The following SPATA13 variants were observed in gnomAD, a reference collection of about 807,000 sequenced individuals.
The protein encoded by SPATA13 is spermatogenesis associated 13.
Under a neutral mutation model 104.0 loss-of-function variants are expected in SPATA13, and 50 were observed. The observed-to-expected ratio is 0.48, with a 90% CI of 0.38 to 0.61. The LOEUF (loss-of-function observed/expected upper bound fraction) is 0.61, where lower values mean the gene tolerates loss of function less well. Ranked by LOEUF, SPATA13 falls within the 20% of genes least tolerant of loss-of-function variation. The probability of loss-of-function intolerance (pLI) is 0.00; values close to 1 mark genes in which losing one functional copy is unlikely to be tolerated. For missense variants in SPATA13, 1,524 were observed against 1,690.6 expected, an observed-to-expected ratio of 0.90 and a Z score of 1.73; for synonymous variants, 606 against 667.5, an observed-to-expected ratio of 0.91 and a Z score of 1.42.
intron 3 of SPATA13, among the ~76,000 whole-genome samples, chr13:24,146,956 G>T (rs1881953931): frequency 7.0e-6 from 1 of 142,870 alleles, no homozygotes; most frequent in African/African-American, 2.6e-5. Flanking sequence ...GAAAAACTAT[G>T]CCTTTCACTT....
intron 1 of SPATA13, among the ~76,000 whole-genome samples, chr13:24,174,082 C>T (rs1036355880): frequency 1.3e-5 from 2 of 152,144 alleles, no homozygotes; most frequent in African/African-American, 4.8e-5. Flanking sequence ...GCAAAACCAC[C>T]TGGGCATAAA....
intron 3 of SPATA13, among the ~76,000 whole-genome samples, chr13:24,073,180 T>C (rs1370011376): frequency 1.3e-5 from 2 of 152,138 alleles, no homozygotes; most frequent in Non-Finnish European, 2.9e-5. Flanking sequence ...GAAGGCCAAG[T>C]GGGGGACTGT....
At chr13:24,189,197 C>T (rs932688285) in intron 1 of SPATA13, among the ~76,000 whole-genome samples, 3 of 151,992 alleles carry the variant, frequency 2.0e-5, no homozygotes, top group Admixed American at 6.6e-5. Flanking sequence ...TCAGGCCAGG[C>T]GTGGTGGCTC....
rs1474529286 is a variant in SPATA13 at position 24,304,120 on chromosome 13, A to T, written c.*1347A>T. On this transcript the variant is annotated 3_prime_UTR_variant, in exon 13 of 13. Transcript: ENST00000382108. ...GGAAATCAGAAGCTGCCTTTATCAC[A>T]TATAAAGCCAAACAGGGCATAACCA... The T allele has an allele frequency of 6.6e-6, 1 of 152,214 alleles. No homozygotes were observed. Among genetic ancestry groups the T allele is most frequent in the Non-Finnish European group, 1.5e-5 (1 of 68,044 alleles). 9.4% of individuals were successfully genotyped at this position (152,214 alleles called of 1,614,324 possible).
chr13:24,059,221 T>A (rs1413757526), intron 3 of SPATA13, among the ~76,000 whole-genome samples: 1 of 151,548 alleles, frequency 6.6e-6, no homozygotes, highest in African/African-American at 2.4e-5. Context: ...TCCACCCCCC[T>A]CGGCCTCCTA....
Position 24,178,874 on chromosome 13 carries a change from C to G in SPATA13, c.-112+17942C>G, listed in dbSNP as rs570485385. ...TCATGCACTCATCAATTACCATAGT[C>G]AATTTGAAGACATTTTCATCCCCTC... On this transcript the variant is annotated intron_variant, in intron 1 of 12. Coordinates refer to ENST00000382108, the MANE Select transcript of SPATA13 (RefSeq NM_001166271.3). Among the ~76,000 whole-genome samples, 5 of 152,256 alleles carry G rather than the reference C, an allele frequency of 3.3e-5. No homozygotes were observed. The South Asian group carries it at 8.3e-4, about 25-fold the overall frequency.
In SPATA13 at chr13:24,306,988, A is replaced by C. The variant is rs573347921; in HGVS notation, c.*4215A>C. On this transcript the variant is annotated 3_prime_UTR_variant, in exon 13 of 13. Transcript: ENST00000382108. ...TTGAAGTTTTTTGTAAAAAAAAATT[A>C]TTTACAATGTTATTTGAATGATTTT... The C allele has an allele frequency of 5.8e-4, 89 of 152,378 alleles. No homozygotes were observed. The highest frequency in any genetic ancestry group is 2.0e-3 in the African/African-American group (85 of 41,596). The allele number at this position is 152,378 out of a possible 1,614,324, so 9.4% of individuals were successfully genotyped here.
At chr13:23,986,179 G>T (rs533169306) in intron 2 of SPATA13, among the ~76,000 whole-genome samples, 7 of 152,284 alleles carry the variant, frequency 4.6e-5, no homozygotes, top group South Asian at 2.1e-4. Context: ...ATTTCGGCTC[G>T]CCCAGGGACC....
At chr13:24,278,270 C>A (rs186213537) in intron 4 of SPATA13, among the ~76,000 whole-genome samples, 40 of 152,334 alleles carry the variant, frequency 2.6e-4, no homozygotes, top group Middle Eastern at 6.8e-3. Context: ...CTGCTGCACA[C>A]AGCTGTGTGT....
chr13:24,086,606 A>G (rs1593320474), intron 3 of SPATA13, among the ~76,000 whole-genome samples: 2 of 152,202 alleles, frequency 1.3e-5, no homozygotes, highest in African/African-American at 4.8e-5. Flanking sequence ...GGCAGCAAGG[A>G]TGAGTTCAAG....
chr13:24,119,150 G>A (rs1367330504), intron 3 of SPATA13, among the ~76,000 whole-genome samples: 3 of 151,968 alleles, frequency 2.0e-5, no homozygotes, highest in Admixed American at 2.0e-4. Context: ...CTTGTGATCT[G>A]CCCGCCTCGG....
chr13:24,118,473 A>G (rs1880923616), intron 3 of SPATA13, among the ~76,000 whole-genome samples: 1 of 152,290 alleles, frequency 6.6e-6, no homozygotes, highest in East Asian at 1.9e-4. Flanking sequence ...TGAAATGTAG[A>G]ATCATTACAA....
intron 1 of SPATA13, among the ~76,000 whole-genome samples, chr13:24,165,013 G>A (rs899173166): frequency 2.0e-5 from 3 of 152,174 alleles, no homozygotes; most frequent in South Asian, 2.1e-4. Flanking sequence ...TGTGTTTCCT[G>A]TATATGTATG....
At position 24,306,867 on chromosome 13, in the gene SPATA13, G is replaced by C. The variant is rs1021041303; in HGVS notation, c.*4094G>C. On this transcript the variant is annotated 3_prime_UTR_variant, in exon 13 of 13. Transcript: ENST00000382108. ...TTAACTTCAAGATGATGTGTCATCT[G>C]TATAGGTCAAAGAATGGGACTTCTG... 2 of 152,210 alleles carry C rather than the reference G, an allele frequency of 1.3e-5. No individual in the cohort carries two copies. The highest frequency in any genetic ancestry group is 4.8e-5 in the African/African-American group (2 of 41,446). 9.4% of individuals were successfully genotyped at this position (152,210 alleles called of 1,614,324 possible).
At chr13:23,999,368 C>CA (rs34668799) in intron 2 of SPATA13, among the ~76,000 whole-genome samples, 17 of 94,384 alleles carry the variant, frequency 1.8e-4, no homozygotes, top group African/African-American at 6.2e-4. Flanking sequence ...CATTTTCTAC[C>CA]AAAAAAAAAA....
chr13:24,297,597 G>A lies in SPATA13; in HGVS notation c.3445G>A (p.Val1149Met), dbSNP rs770055743. The change falls in exon 11 of 13, where the codon GTG (valine) becomes ATG (methionine). Residue 1149 changes from valine to methionine, a missense_variant. This residue lies in a region of SPATA13 where 435 missense variants were observed against 554.8 expected (regional missense o/e 0.78). Coordinates refer to ENST00000382108, the MANE Select transcript of SPATA13 (RefSeq NM_001166271.3). Reference sequence around the variant, plus strand: ...GCGCGACAAGGACTGCAACCTCAGCGTGAAAAATGCCTTCAAGCTCGTCAG... The same window carrying A: ...GCGCGACAAGGACTGCAACCTCAGCATGAAAAATGCCTTCAAGCTCGTCAG... ...DGRDKDCNLS[V>M]KNAFKLVSRT... 1.8e-5 allele frequency: 29 copies of A among 1,614,104 alleles called. No homozygotes were observed. Among genetic ancestry groups the A allele is most frequent in the Admixed American group, 3.3e-5 (2 of 60,008 alleles).
upstream of SPATA13, among the ~76,000 whole-genome samples, chr13:24,159,658 T>C (rs1230115332): frequency 2.0e-5 from 3 of 152,204 alleles, no homozygotes; most frequent in Admixed American, 6.5e-5. Context: ...TTTTGAGAAA[T>C]GCATAATGAC....
intron 1 of SPATA13, among the ~76,000 whole-genome samples, chr13:24,165,546 C>T (rs980009800): frequency 6.6e-5 from 10 of 152,302 alleles, no homozygotes; most frequent in African/African-American, 2.4e-4. Context: ...GTCTCCTGCC[C>T]TCTTCTCCTC....
intron 3 of SPATA13, among the ~76,000 whole-genome samples, chr13:24,066,965 G>T (rs539245697): frequency 8.1e-4 from 123 of 152,316 alleles, no homozygotes; most frequent in Middle Eastern, 3.4e-3. Context: ...AGCTAAAGCA[G>T]CTTCTGTTAA....
Sources: allele counts gnomAD v4.1 joint callset (sites outside exome capture counted in the v4.1 genomes callset), GRCh38; gene constraint gnomAD v4.1.1; regional missense constraint gnomAD v4.1.1; transcripts MANE v1.5; gene names NCBI Gene and HGNC (gene_info 2026-07-23, HGNC 2026-07-21).